STOX1: variants seen among roughly 807,000 people sequenced by gnomAD.
STOX1 encodes the protein storkhead box 1.
STOX1 carries 57 observed loss-of-function variants against 74.8 expected under a neutral mutation model. The ratio of observed to expected loss-of-function variants is 0.76; its 90% CI spans 0.62 to 0.95. The LOEUF is 0.95. Among genes scored for constraint, STOX1 ranks in the 40% least tolerant of loss-of-function variants. The pLI, the probability that STOX1 is intolerant of heterozygous loss-of-function variation, is 0.00. For missense variants in STOX1, 1,010 were observed against 1,117.0 expected (o/e 0.90, Z 1.37); for synonymous variants, 375 against 401.3 (o/e 0.93, Z 0.78).
At chr10:68,865,963 C>G (rs1002157973) in intron 1 of STOX1, among the ~76,000 whole-genome samples, 4 of 152,050 alleles carry the variant, frequency 2.6e-5, no homozygotes, top group African/African-American at 9.7e-5. Context: ...TGGCCACCAT[C>G]AAAATGGTAT....
intron 1 of STOX1, among the ~76,000 whole-genome samples, chr10:68,834,697 C>G (rs1839497406): frequency 6.6e-6 from 1 of 152,178 alleles, no homozygotes; most frequent in East Asian, 1.9e-4. Flanking sequence ...CCTCGATTCT[C>G]AGAGATAACC....
chr10:68,880,177 T>G (rs10823265), intron 1 of STOX1, among the ~76,000 whole-genome samples: 19,073 of 150,082 alleles, frequency 0.13, 2,195 homozygotes, highest in African/African-American at 0.31. Context: ...TTTTTTTTTT[T>G]TTTTTGTTTT....
At chr10:68,856,989 C>T (rs1263238980) in intron 1 of STOX1, among the ~76,000 whole-genome samples, 1 of 152,108 alleles carries the variant, frequency 6.6e-6, no homozygotes, top group African/African-American at 2.4e-5. Context: ...ACTACAGGCC[C>T]TTGTCTGTCT....
chr10:68,828,932 AT>A (rs1839336685), intron 1 of STOX1: 12 of 984,680 alleles, frequency 1.2e-5, no homozygotes, highest in Non-Finnish European at 1.4e-5. Context: ...ATAGCTTCTC[AT>A]TTGAGAAACT....
intron 1 of STOX1, among the ~76,000 whole-genome samples, chr10:68,840,550 T>TTTTA (rs59043042): frequency 0.26 from 39,159 of 151,170 alleles, 5,599 homozygotes; most frequent in African/African-American, 0.39. Context: ...GGTTATTTTG[T>TTTTA]TTTATTTATT....
intron 1 of STOX1, among the ~76,000 whole-genome samples, chr10:68,836,790 G>T (rs1018644703): frequency 6.6e-6 from 1 of 152,196 alleles, no homozygotes; most frequent in Non-Finnish European, 1.5e-5. Context: ...CTTGGCCCTG[G>T]CCTCACCTGG....
rs778031716 is a variant in STOX1, at chr10:68,885,559, A to G, written c.1763A>G (p.Gln588Arg). The G allele has an allele frequency of 1.2e-6, 2 of 1,614,210 alleles. No individual in the cohort carries two copies. Among genetic ancestry groups the G allele is most frequent in the South Asian group, 2.2e-5 (2 of 91,082 alleles). Reference protein sequence around the residue: ...FRGHLFSHPQQSMLQNDGKCC... With the variant: ...FRGHLFSHPQRSMLQNDGKCC... ...GGTCACCTCTTCAGTCACCCTCAAC[A>G]GAGCATGTTGCAAAATGATGGTAAA... Residue 588 changes from glutamine to arginine, a missense_variant, in exon 3 of 4, where the codon CAG becomes CGG. Gln to Arg is a conservative substitution (Grantham distance 43). Transcript: ENST00000298596.
intron 1 of STOX1, among the ~76,000 whole-genome samples, chr10:68,836,089 C>T (rs946333935): frequency 1.3e-5 from 2 of 152,170 alleles, no homozygotes; most frequent in African/African-American, 4.8e-5. Context: ...GCAGGATGGT[C>T]TCAGTCTCCT....
chr10:68,854,708 C>G (rs1268994098), intron 1 of STOX1, among the ~76,000 whole-genome samples: 1 of 152,134 alleles, frequency 6.6e-6, no homozygotes, highest in Admixed American at 6.5e-5. Flanking sequence ...TGAACCACCT[C>G]TAGGTATAAG....
chr10:68,839,715 C>T (rs1839647126), intron 1 of STOX1, among the ~76,000 whole-genome samples: 1 of 152,144 alleles, frequency 6.6e-6, no homozygotes, highest in Non-Finnish European at 1.5e-5. Flanking sequence ...CATGGCAAAA[C>T]CCCATCTCTA....
intron 2 of STOX1, among the ~76,000 whole-genome samples, chr10:68,883,938 G>C (rs1004318494): frequency 2.0e-5 from 3 of 150,646 alleles, no homozygotes; most frequent in Non-Finnish European, 4.4e-5. Context: ...TGCCTAGCCT[G>C]GTCTTGAACT....
chr10:68,835,403 G>A (rs766321226), intron 1 of STOX1, among the ~76,000 whole-genome samples: 26 of 151,982 alleles, frequency 1.7e-4, no homozygotes, highest in Non-Finnish European at 2.5e-4. Context: ...GCTCACTGAA[G>A]CCTTGAACTC....
intron 2 of STOX1, among the ~76,000 whole-genome samples, chr10:68,883,602 A>T (rs1840864056): frequency 6.6e-6 from 1 of 151,836 alleles, no homozygotes; most frequent in Non-Finnish European, 1.5e-5. Context: ...CTAGTAGAGG[A>T]ATGATTTCAC....
chr10:68,870,605 G>A (rs1484058412), intron 1 of STOX1, among the ~76,000 whole-genome samples: 1 of 152,178 alleles, frequency 6.6e-6, no homozygotes, highest in Non-Finnish European at 1.5e-5. Context: ...TATCTGGGTG[G>A]ATCCTGTCTA....
chr10:68,853,827 A>T (rs1840052184), intron 1 of STOX1, among the ~76,000 whole-genome samples: 1 of 151,660 alleles, frequency 6.6e-6, no homozygotes, highest in African/African-American at 2.4e-5. Flanking sequence ...CTCGGATTAC[A>T]GGCATCAGCC....
At chr10:68,856,912 A>G (rs1840139083) in intron 1 of STOX1, among the ~76,000 whole-genome samples, 1 of 152,068 alleles carries the variant, frequency 6.6e-6, no homozygotes, top group South Asian at 2.1e-4. Context: ...CCTGGCTAAC[A>G]CATTTTCCAG....
In STOX1 at chr10:68,884,266, C is replaced by T; in HGVS notation, c.470C>T (p.Ala157Val). 3.1e-6 allele frequency: 5 copies of T among 1,614,022 alleles called. No individual in the cohort carries two copies. Among genetic ancestry groups the T allele is most frequent in the Non-Finnish European group, 4.2e-6 (5 of 1,179,946 alleles). ...AAATGCTTGTCTGTTTTAGGCATTG[C>T]AATTCCATCGGAAGATATTCTTTAT... ...ERLMKHYPGIAIPSEDILYTT... is the reference protein window; with the variant it reads ...ERLMKHYPGIVIPSEDILYTT... Residue 157 changes from alanine (A) to valine (V), a missense_variant, in exon 3 of 4, where the codon GCA becomes GTA. By Grantham distance (64) the Ala-to-Val change is moderately conservative (BLOSUM62 0). Coordinates refer to ENST00000298596, the MANE Select transcript of STOX1 (RefSeq NM_152709.5).
At chr10:68,840,701 C>T (rs1345027020) in intron 1 of STOX1, among the ~76,000 whole-genome samples, 1 of 151,774 alleles carries the variant, frequency 6.6e-6, no homozygotes, top group Non-Finnish European at 1.5e-5. Context: ...GCTGGGATTA[C>T]AGGCATGAGC....
At chr10:68,873,250 CAA>C (rs1703590573) in intron 1 of STOX1, among the ~76,000 whole-genome samples, 2 of 138,068 alleles carry the variant, frequency 1.4e-5, no homozygotes, top group Admixed American at 8.0e-5. Flanking sequence ...TGTGCCCAAA[CAA>C]GAGCATTTTT....
Sources: allele counts gnomAD v4.1 joint callset (sites outside exome capture counted in the v4.1 genomes callset), GRCh38; gene constraint gnomAD v4.1.1; transcripts MANE v1.5; gene names NCBI Gene and HGNC (gene_info 2026-07-23, HGNC 2026-07-21).